Variants in MBP observed in about 807,000 individuals in gnomAD.
The protein encoded by MBP is Golli-MBP.
MBP carries 16 observed loss-of-function variants against 35.8 expected under a neutral mutation model. The ratio of observed to expected loss-of-function variants is 0.45; its 90% CI spans 0.30 to 0.68. MBP has a LOEUF of 0.68. MBP is among the 30% of genes least tolerant of loss of function. The probability of loss-of-function intolerance (pLI) is 0.08; values close to 1 mark genes in which losing one functional copy is unlikely to be tolerated. For missense variants in MBP, 380 were observed against 404.7 expected, an observed-to-expected ratio of 0.94 and a Z score of 0.52; for synonymous variants, 143 against 159.6, an observed-to-expected ratio of 0.90 and a Z score of 0.78.
At chr18:76,987,371 T>C in intron 7 of MBP, 1 of 985,450 alleles carries the variant, frequency 1.0e-6, no homozygotes, top group South Asian at 4.7e-5. Context: ...ATTCATTAGG[T>C]CAGAAAAAGC....
intron 3 of MBP, among the ~76,000 whole-genome samples, chr18:77,061,336 TC>T (rs2144769945): frequency 6.6e-6 from 1 of 152,368 alleles, no homozygotes; most frequent in African/African-American, 2.4e-5. Flanking sequence ...TAAACAAAGC[TC>T]TGTATGCTTC....
chr18:77,056,579 C>T (rs1000370279), intron 3 of MBP, among the ~76,000 whole-genome samples: 1 of 152,182 alleles, frequency 6.6e-6, no homozygotes, highest in Non-Finnish European at 1.5e-5. Flanking sequence ...GGCCTGACTG[C>T]ACCAACCGGC....
At chr18:77,075,681 T>C (rs1974621963) in intron 2 of MBP, among the ~76,000 whole-genome samples, 1 of 152,230 alleles carries the variant, frequency 6.6e-6, no homozygotes, top group Non-Finnish European at 1.5e-5. Flanking sequence ...TCATCTTGAA[T>C]GCCCACATGG....
At position 77,016,660 on chromosome 18, in the gene MBP, G is replaced by A. The variant is rs1256687968; in HGVS notation, c.576+172C>T. 2.9e-5 allele frequency: 41 copies of A among 1,425,892 alleles called. No individual in the cohort carries two copies. The East Asian group carries it at 1.0e-3, about 35-fold the overall frequency. The allele number at this position is 1,425,892 out of a possible 1,614,324, so 88.3% of individuals were successfully genotyped here. A position where few individuals can be genotyped will look rare whatever the true frequency, so the allele number is the denominator to read the frequency against. ...GGTGAGTTAAACGAAAACGTCCTAA[G>A]CAGCCACTCAGGCCCACACTCTTGG... is the stretch of plus-strand genomic sequence containing the variant. On this transcript the variant is annotated intron_variant, in intron 4 of 8. Transcript: ENST00000355994.
rs148819201 is a variant in MBP, at chr18:77,016,851, G to A, written c.557C>T (p.Pro186Leu). 2.3e-5 allele frequency: 37 copies of A among 1,614,038 alleles called. No individual in the cohort carries two copies. The highest frequency in any genetic ancestry group is 2.9e-5 in the Non-Finnish European group (34 of 1,180,052). The change falls in exon 4 of 9, where the codon CCC becomes CTC. Residue 186 changes from proline (P) to leucine (L), a missense_variant. Transcript: ENST00000355994. ...GRFFGGDRGAPKRGSGKDSHH... is the reference protein window; with the variant it reads ...GRFFGGDRGALKRGSGKDSHH... ...GCTCACCTTGCCAGAGCCCCGCTTG[G>A]GCGCACCCCTGTCACCGCCAAAGAA...
intron 4 of MBP, among the ~76,000 whole-genome samples, chr18:76,992,794 G>C (rs529476484): frequency 2.0e-5 from 3 of 152,282 alleles, no homozygotes; most frequent in Admixed American, 6.5e-5. Flanking sequence ...CCAGGAGCCA[G>C]AGCCCCAGCC....
At chr18:77,015,742 G>A (rs1187121257) in intron 4 of MBP, 1 of 985,230 alleles carries the variant, frequency 1.0e-6, no homozygotes. Context: ...ATAAAGAATT[G>A]CAGTTGGAGA....
intron 4 of MBP, among the ~76,000 whole-genome samples, chr18:76,996,908 T>C (rs947652416): frequency 6.6e-6 from 1 of 152,222 alleles, no homozygotes; most frequent in Admixed American, 6.5e-5. Flanking sequence ...GCTGTCATTG[T>C]ACAGCCAGAG....
At chr18:77,116,543 G>A (rs1292930501) in intron 1 of MBP, among the ~76,000 whole-genome samples, 1 of 152,226 alleles carries the variant, frequency 6.6e-6, no homozygotes, top group African/African-American at 2.4e-5. Context: ...CATGCAACAG[G>A]TCAGAAGTAT....
chr18:77,038,724 C>G (rs1436222737), intron 3 of MBP, among the ~76,000 whole-genome samples: 1 of 152,160 alleles, frequency 6.6e-6, no homozygotes, highest in South Asian at 2.1e-4. Flanking sequence ...TATATGTATG[C>G]ATATATGTAC....
At chr18:76,995,377 C>A (rs1440358313) in intron 4 of MBP, among the ~76,000 whole-genome samples, 3 of 152,098 alleles carry the variant, frequency 2.0e-5, no homozygotes, top group Non-Finnish European at 4.4e-5. Context: ...GCAAAAATAG[C>A]CAAACAATTG....
chr18:77,106,815 C>T (rs926899046), intron 1 of MBP, among the ~76,000 whole-genome samples: 6 of 152,138 alleles, frequency 3.9e-5, no homozygotes, highest in Admixed American at 2.6e-4. Flanking sequence ...CGGATGATTT[C>T]GGTGTCCAGT....
chr18:76,997,746 G>C (rs927408173), intron 4 of MBP, among the ~76,000 whole-genome samples: 12 of 150,884 alleles, frequency 8.0e-5, no homozygotes, highest in South Asian at 2.1e-4. Context: ...GCAGTGGCGC[G>C]ACCTCGGCTC....
intron 3 of MBP, among the ~76,000 whole-genome samples, chr18:77,049,662 A>T (rs1973402194): frequency 6.6e-6 from 1 of 151,302 alleles, no homozygotes; most frequent in African/African-American, 2.5e-5. Context: ...ATGGATAACT[A>T]TTTTATTTTT....
intron 4 of MBP, among the ~76,000 whole-genome samples, chr18:77,009,302 C>A (rs1022318894): frequency 1.3e-5 from 2 of 152,238 alleles, no homozygotes; most frequent in African/African-American, 2.4e-5. Context: ...CAGGCCACAG[C>A]GATAGCCCAC....
At chr18:77,085,811 A>C (rs1975207594) in intron 2 of MBP, among the ~76,000 whole-genome samples, 1 of 151,428 alleles carries the variant, frequency 6.6e-6, no homozygotes. Context: ...CAGCCTCCTG[A>C]GTAGCTGGGA....
chr18:77,089,206 G>A (rs1975401057), intron 2 of MBP, among the ~76,000 whole-genome samples: 1 of 152,254 alleles, frequency 6.6e-6, no homozygotes, highest in Admixed American at 6.5e-5. Flanking sequence ...ATTCCTAGGT[G>A]TGACCCCTGT....
Position 77,018,856 on chromosome 18 carries a change from TCATCCATCTATC to T in MBP, c.140-1600_140-1589del, listed in dbSNP as rs1228684095. Among the ~76,000 whole-genome samples the T allele has an allele frequency of 1.4e-3, 138 of 96,516 alleles. 1 individual carries two copies. The highest frequency in any genetic ancestry group is 5.2e-3 in the African/African-American group (128 of 24,846). 63.3% of individuals were successfully genotyped at this position (96,516 alleles called of 152,430 possible). A position where few individuals can be genotyped will look rare whatever the true frequency, so the allele number is the denominator to read the frequency against. On this transcript the variant is annotated intron_variant, in intron 3 of 8. Transcript: ENST00000355994. ...TATATCCACCCATCCATCCATCCAC[TCATCCATCTATC>T]CATCCATCCATCCATCCATCCATCC... is the stretch of plus-strand genomic sequence containing the variant.
Position 76,999,329 on chromosome 18 carries a change from C to T in MBP, c.577-9269G>A, listed in dbSNP as rs149587436. ...CCAGCCTCGCAACCTCCGCTTCCCCCGTCAACCCCATCAGAAGCTCTGAGC... is the reference window on the plus strand; with the variant it reads ...CCAGCCTCGCAACCTCCGCTTCCCCTGTCAACCCCATCAGAAGCTCTGAGC... On this transcript the variant is annotated intron_variant, in intron 4 of 8. Transcript: ENST00000355994. Among the ~76,000 whole-genome samples, 1,175 of 152,252 alleles carry T rather than the reference C, an allele frequency of 7.7e-3. 13 individuals carry two copies. The highest frequency in any genetic ancestry group is 0.026 in the African/African-American group (1,086 of 41,554).
Sources: gnomAD v4.1 joint callset for allele counts (sites outside exome capture counted in the v4.1 genomes callset) on GRCh38, gnomAD v4.1.1 for gene constraint, MANE v1.5 for transcripts, NCBI Gene and HGNC (gene_info 2026-07-23, HGNC 2026-07-21) for gene names.